NBEA: variants seen among roughly 807,000 people sequenced by gnomAD.
NBEA encodes neurobeachin.
NBEA carries 44 observed loss-of-function variants against 343.4 expected under a neutral mutation model. The ratio of observed to expected loss-of-function variants is 0.13; its 90% CI spans 0.10 to 0.16. The LOEUF is 0.16. Ranked by LOEUF, NBEA falls within the 10% of genes least tolerant of loss-of-function variation. The pLI, the probability that NBEA is intolerant of heterozygous loss-of-function variation, is 1.00. For missense variants in NBEA, 2,555 were observed against 3,631.3 expected, an observed-to-expected ratio of 0.70 and a Z score of 7.62; for synonymous variants, 1,175 against 1,238.7, an observed-to-expected ratio of 0.95 and a Z score of 1.08.
chr13:35,078,912 C>T (rs2064243315), intron 10 of NBEA, among the ~76,000 whole-genome samples: 1 of 152,086 alleles, frequency 6.6e-6, no homozygotes, highest in Non-Finnish European at 1.5e-5. Flanking sequence ...GTCCCAGCTA[C>T]TTGGGAGGCT....
chr13:35,380,570 TA>T (rs987963861), intron 38 of NBEA, among the ~76,000 whole-genome samples: 12 of 152,200 alleles, frequency 7.9e-5, no homozygotes, highest in African/African-American at 2.9e-4. Context: ...ATATCATTTT[TA>T]AAATTTGACT....
At chr13:35,546,096 AC>A (rs1489125199) in intron 41 of NBEA, among the ~76,000 whole-genome samples, 1 of 152,228 alleles carries the variant, frequency 6.6e-6, no homozygotes, top group Non-Finnish European at 1.5e-5. Context: ...TATTTTAGGC[AC>A]TGTGTATCGA....
intron 34 of NBEA, among the ~76,000 whole-genome samples, chr13:35,272,447 C>T (rs550102514): frequency 6.6e-6 from 1 of 152,276 alleles, no homozygotes; most frequent in African/African-American, 2.4e-5. Flanking sequence ...ACTGCATCAA[C>T]TAACAGGCAA....
At chr13:35,132,290 C>G (rs1226126195) in intron 17 of NBEA, among the ~76,000 whole-genome samples, 7 of 152,046 alleles carry the variant, frequency 4.6e-5, no homozygotes, top group Non-Finnish European at 1.0e-4. Flanking sequence ...CCCACGTAGC[C>G]AGGACTACAG....
rs564586888 is a variant in NBEA, at chr13:35,276,259, G to A, written c.5777-14130G>A. ...TTTCCCTTTTGTTCTAATACAATTG[G>A]TGTATTTGTATAAATTTTTAAATGC... On this transcript the variant is annotated intron_variant, in intron 34 of 58. Coordinates refer to ENST00000379939, the MANE Select transcript of NBEA (RefSeq NM_001385012.1). 2.1e-3 allele frequency among the ~76,000 whole-genome samples: 317 copies of A among 151,908 alleles called. 5 individuals carry two copies. Among genetic ancestry groups the A allele is most frequent in the Non-Finnish European group, 2.7e-3 (186 of 67,940 alleles).
intron 36 of NBEA, among the ~76,000 whole-genome samples, chr13:35,312,231 A>G (rs2243774): frequency 1.3e-5 from 2 of 152,018 alleles, no homozygotes; most frequent in Admixed American, 6.5e-5. Flanking sequence ...CCACAGAATA[A>G]TTTACCTAGT....
intron 36 of NBEA, among the ~76,000 whole-genome samples, chr13:35,322,947 T>A (rs1035011574): frequency 6.6e-6 from 1 of 152,112 alleles, no homozygotes; most frequent in African/African-American, 2.4e-5. Flanking sequence ...TTTCCAAGGC[T>A]CAAGCAATCC....
At chr13:35,435,425 C>CT (rs1322537385) in intron 39 of NBEA, among the ~76,000 whole-genome samples, 2 of 151,958 alleles carry the variant, frequency 1.3e-5, no homozygotes, top group Non-Finnish European at 2.9e-5. Flanking sequence ...GTTGATGGTA[C>CT]TTAGACAGGA....
chr13:35,465,746 A>AT (rs920993868), intron 40 of NBEA, among the ~76,000 whole-genome samples: 42 of 151,676 alleles, frequency 2.8e-4, no homozygotes, highest in African/African-American at 1.0e-3. Flanking sequence ...ACTCCGTGCT[A>AT]TTTTACTTAT....
At chr13:35,214,146 C>G (rs1406755711) in intron 33 of NBEA, among the ~76,000 whole-genome samples, 2 of 151,788 alleles carry the variant, frequency 1.3e-5, no homozygotes, top group Non-Finnish European at 1.5e-5. Flanking sequence ...CTTCTTTTCA[C>G]CTGTTGATAG....
At chr13:35,542,550 C>T (rs2078880673) in intron 41 of NBEA, among the ~76,000 whole-genome samples, 1 of 152,068 alleles carries the variant, frequency 6.6e-6, no homozygotes, top group South Asian at 2.1e-4. Flanking sequence ...TAAAGTGAAA[C>T]TCTTCTACCA....
intron 48 of NBEA, among the ~76,000 whole-genome samples, chr13:35,620,135 G>C (rs2082916792): frequency 6.6e-6 from 1 of 152,070 alleles, no homozygotes; most frequent in Non-Finnish European, 1.5e-5. Context: ...TGTTCCGGGT[G>C]ATGTTTTATG....
chr13:35,171,098 A>T, intron 25 of NBEA, 174 bp from the exon 26 acceptor site: 1 of 747,358 alleles, frequency 1.3e-6, no homozygotes, highest in Non-Finnish European at 2.4e-6. Flanking sequence ...TAGGTAAAGT[A>T]ACCGAATTTG....
At chr13:35,182,662 A>G (rs904505726) in intron 29 of NBEA, 134 bp downstream of exon 29, 7 of 830,152 alleles carry the variant, frequency 8.4e-6, no homozygotes, top group Non-Finnish European at 1.1e-5. Context: ...AGAAATGCTA[A>G]TTTAGTATTC....
intron 17 of NBEA, among the ~76,000 whole-genome samples, chr13:35,130,496 C>A (rs73500493): frequency 0.016 from 2,407 of 151,658 alleles, 66 homozygotes; most frequent in African/African-American, 0.049. Context: ...AAGGGGGCCA[C>A]CATGTTATGA....
At chr13:35,479,126 G>A (rs76059376) in intron 41 of NBEA, among the ~76,000 whole-genome samples, 2 of 152,346 alleles carry the variant, frequency 1.3e-5, no homozygotes, top group African/African-American at 2.4e-5. Context: ...GGTATACTAG[G>A]AAACTCATTA....
At chr13:35,163,270 A>G (rs1029042946) in intron 23 of NBEA, among the ~76,000 whole-genome samples, 1 of 152,194 alleles carries the variant, frequency 6.6e-6, no homozygotes, top group Non-Finnish European at 1.5e-5. Context: ...GTGATAGATA[A>G]TAATTCACAA....
intron 38 of NBEA, among the ~76,000 whole-genome samples, chr13:35,411,371 C>G (rs117477412): frequency 0.03 from 4,518 of 152,114 alleles, 104 homozygotes; most frequent in Non-Finnish European, 0.045. Flanking sequence ...CTTCAATTAG[C>G]GTACAAGCAA....
At chr13:35,254,784 A>C (rs2032396658) in intron 34 of NBEA, among the ~76,000 whole-genome samples, 1 of 152,134 alleles carries the variant, frequency 6.6e-6, no homozygotes, top group South Asian at 2.1e-4. Flanking sequence ...AAAGCACTTA[A>C]AGTTGATACA....
Sources: allele counts gnomAD v4.1 joint callset (sites outside exome capture counted in the v4.1 genomes callset), GRCh38; gene constraint gnomAD v4.1.1; transcripts MANE v1.5; gene names NCBI Gene and HGNC (gene_info 2026-07-23, HGNC 2026-07-21).